DNAH5: variants seen among roughly 807,000 people sequenced by gnomAD.
The protein encoded by DNAH5 is dynein axonemal heavy chain 5, also known as axonemal beta dynein heavy chain 5.
DNAH5 carries 372 observed loss-of-function variants against 518.2 expected under a neutral mutation model. The ratio of observed to expected loss-of-function variants is 0.72; its 90% CI spans 0.66 to 0.78. The LOEUF is 0.78. Among genes scored for constraint, DNAH5 ranks in the 30% least tolerant of loss-of-function variants. The probability of loss-of-function intolerance (pLI) is 0.00; values close to 1 mark genes in which losing one functional copy is unlikely to be tolerated. For missense variants in DNAH5, 5,523 were observed against 5,687.0 expected (o/e 0.97, Z 0.93); for synonymous variants, 2,039 against 2,025.9 (o/e 1.01, Z -0.17).
intron 51 of DNAH5, among the ~76,000 whole-genome samples, chr5:13,787,872 AT>A (rs1273004694): frequency 6.6e-6 from 1 of 152,212 alleles, no homozygotes; most frequent in Non-Finnish European, 1.5e-5. Context: ...CAGTTATCAA[AT>A]CTAGAGAAGC....
intron 43 of DNAH5, among the ~76,000 whole-genome samples, chr5:13,813,847 A>C (rs61574570): frequency 0.2 from 30,392 of 152,090 alleles, 3,296 homozygotes; most frequent in East Asian, 0.54. Flanking sequence ...GTAAATAAAC[A>C]TCTACTTTAT....
chr5:13,833,065 G>A (rs1763882488), intron 35 of DNAH5, among the ~76,000 whole-genome samples: 1 of 150,516 alleles, frequency 6.6e-6, no homozygotes, highest in South Asian at 2.1e-4. Context: ...TTTAGTTACA[G>A]ACTCTTTGAT....
intron 75 of DNAH5, among the ~76,000 whole-genome samples, chr5:13,713,122 TATACACACACACTGAC>T (rs1743736914): frequency 6.8e-6 from 1 of 147,582 alleles, no homozygotes; most frequent in African/African-American, 2.5e-5. Flanking sequence ...TATATATATA[TATACACACACACTGAC>T]ATATATATAC....
At chr5:13,805,616 T>C (rs1580339614) in intron 47 of DNAH5, among the ~76,000 whole-genome samples, 1 of 152,206 alleles carries the variant, frequency 6.6e-6, no homozygotes, top group Middle Eastern at 3.4e-3. Context: ...TCCAGGTTGG[T>C]GATATACATG....
intron 1 of DNAH5, among the ~76,000 whole-genome samples, chr5:13,939,496 G>C (rs1209225160): frequency 6.6e-6 from 1 of 152,028 alleles, no homozygotes; most frequent in African/African-American, 2.4e-5. Context: ...TTTACCCTTA[G>C]AGCCCTCTAC....
chr5:13,914,434 T>C (rs545748911), intron 10 of DNAH5, 86 bp downstream of exon 10: 17 of 1,430,656 alleles, frequency 1.2e-5, no homozygotes, highest in Non-Finnish European at 1.6e-5. Context: ...CAACCAATGA[T>C]ATAATAATTA....
At chr5:14,002,276 A>G (rs2662630) in intron 1 of DNAH5, among the ~76,000 whole-genome samples, 112,859 of 152,088 alleles carry the variant, frequency 0.74, 42,207 homozygotes, top group East Asian at 0.97. Flanking sequence ...CATAGTTCTA[A>G]TGAAGTGCAT....
Position 13,882,952 on chromosome 5 carries a change from G to C in DNAH5, c.3126C>G (p.Ile1042Met). ...ACTGTCTGACCCCCTTAGGGACACTGATGATGCACTCCACGGCTTTGTTCA... is the reference window on the plus strand; with the variant it reads ...ACTGTCTGACCCCCTTAGGGACACTCATGATGCACTCCACGGCTTTGTTCA... ...QTLNKAVECI[I>M]SVPKGVRQWS... Residue 1042 changes from isoleucine (I) to methionine (M), a missense_variant, in exon 20 of 79, where the codon ATC (isoleucine) becomes ATG (methionine). This residue lies in a region of DNAH5 where 5,121 missense variants were observed against 5,223.3 expected (regional missense o/e 0.98). Transcript: ENST00000265104. 6.2e-7 allele frequency: 1 copy of C among 1,614,164 alleles called. No homozygotes were observed. Among genetic ancestry groups the C allele is most frequent in the East Asian group, 2.2e-5 (1 of 44,880 alleles).
rs138594164 is a variant in DNAH5, at chr5:13,986,416, C to T, written c.12+25232G>A. ...GGTTGACTGGATCAGAGGAGAACCC[C>T]GGGCCAAGCTGGACCAATCAGAGTT... On this transcript the variant is annotated intron_variant, in intron 1 of 78. Coordinates refer to the DNAH5 transcript ENST00000681290. 3.5e-3 allele frequency among the ~76,000 whole-genome samples: 527 copies of T among 152,294 alleles called. 1 individual carries two copies. Among genetic ancestry groups the T allele is most frequent in the Non-Finnish European group, 4.6e-3 (316 of 68,012 alleles).
At chr5:13,924,606 T>G (rs1455791060) in intron 3 of DNAH5, among the ~76,000 whole-genome samples, 1 of 148,692 alleles carries the variant, frequency 6.7e-6, no homozygotes, top group Admixed American at 6.8e-5. Flanking sequence ...ACCCAGGAGA[T>G]GGAGGTTGTG....
intron 22 of DNAH5, among the ~76,000 whole-genome samples, chr5:13,874,116 C>T (rs1480784371): frequency 6.6e-6 from 1 of 152,170 alleles, no homozygotes; most frequent in Non-Finnish European, 1.5e-5. Flanking sequence ...CTAAACCTAT[C>T]ACTGCCTATC....
At chr5:13,763,696 G>C (rs760636123) in intron 59 of DNAH5, among the ~76,000 whole-genome samples, 2 of 152,150 alleles carry the variant, frequency 1.3e-5, no homozygotes, top group Non-Finnish European at 2.9e-5. Flanking sequence ...ATAATGTATA[G>C]TAGAACACAC....
chr5:13,937,367 T>A (rs17278234), intron 1 of DNAH5, among the ~76,000 whole-genome samples: 2 of 150,598 alleles, frequency 1.3e-5, no homozygotes, highest in Non-Finnish European at 3.0e-5. Context: ...GGTATTTTAG[T>A]GCCAGTGTGG....
chr5:13,978,557 T>C (rs1202702174), intron 1 of DNAH5, among the ~76,000 whole-genome samples: 1 of 152,216 alleles, frequency 6.6e-6, no homozygotes, highest in Admixed American at 6.5e-5. Context: ...CAGTCAACGA[T>C]GGACTGCATA....
intron 12 of DNAH5, among the ~76,000 whole-genome samples, chr5:13,907,349 T>C (rs1047969759): frequency 1.1e-4 from 17 of 152,126 alleles, no homozygotes; most frequent in Non-Finnish European, 1.5e-5. Context: ...GAGAATCGCT[T>C]GAACCCGGGA....
upstream of DNAH5, among the ~76,000 whole-genome samples, chr5:13,946,136 T>A (rs117189771): frequency 6.6e-6 from 1 of 152,330 alleles, no homozygotes; most frequent in East Asian, 1.9e-4. Context: ...ATTCATTACA[T>A]CGCCGATTAT....
At chr5:13,837,280 G>A (rs914217804) in intron 35 of DNAH5, among the ~76,000 whole-genome samples, 1 of 152,242 alleles carries the variant, frequency 6.6e-6, no homozygotes, top group Non-Finnish European at 1.5e-5. Flanking sequence ...ACAAGGTGGA[G>A]AGAAACTGTG....
intron 1 of DNAH5, among the ~76,000 whole-genome samples, chr5:13,952,897 C>A (rs2152037978): frequency 6.6e-6 from 1 of 152,276 alleles, no homozygotes; most frequent in African/African-American, 2.4e-5. Context: ...ATCCTTCCAC[C>A]CCAGTCTCCC....
chr5:13,710,738 C>A (rs1405342236), intron 75 of DNAH5, among the ~76,000 whole-genome samples: 1 of 152,118 alleles, frequency 6.6e-6, no homozygotes, highest in African/African-American at 2.4e-5. Context: ...TTATGAACAC[C>A]TTTACACACA....
Sources: allele counts gnomAD v4.1 joint callset (sites outside exome capture counted in the v4.1 genomes callset), GRCh38; gene constraint gnomAD v4.1.1; regional missense constraint gnomAD v4.1.1; transcripts MANE v1.5; gene names NCBI Gene and HGNC (gene_info 2026-07-23, HGNC 2026-07-21).